ETS1: variants seen among roughly 807,000 people sequenced by gnomAD.
ETS1 encodes ETS proto-oncogene 1, transcription factor.
A neutral mutation model predicts 58.6 loss-of-function variants in ETS1; 15 were observed. That is an observed-to-expected ratio of 0.26 (90% CI 0.17 to 0.39). The LOEUF is 0.39. ETS1 is among the 10% of genes least tolerant of loss of function. The pLI is 1.00. For synonymous variants in ETS1, 214 were observed against 218.2 expected (o/e 0.98, Z 0.17); for missense variants, 417 against 610.5 (o/e 0.68, Z 3.34).
chr11:128,506,748 G>A (rs899007387), intron 3 of ETS1, among the ~76,000 whole-genome samples: 1 of 152,154 alleles, frequency 6.6e-6, no homozygotes, highest in African/African-American at 2.4e-5. Flanking sequence ...GACCGACCGT[G>A]GGAGAGGCTG....
chr11:128,480,501 G>T, intron 7 of ETS1, 50 bp from the exon 8 acceptor site: 3 of 1,060,878 alleles, frequency 2.8e-6, no homozygotes, highest in South Asian at 1.5e-5. Context: ...GAGGGAGTGG[G>T]AAAAAAAAAA....
chr11:128,546,919 TC>T (rs1476839584), intron 3 of ETS1, among the ~76,000 whole-genome samples: 3 of 152,120 alleles, frequency 2.0e-5, no homozygotes, highest in African/African-American at 7.2e-5. Context: ...AGACTGAAGC[TC>T]CCCATCCCTA....
chr11:128,574,925 A>G (rs561963243), intron 1 of ETS1, among the ~76,000 whole-genome samples: 33 of 152,294 alleles, frequency 2.2e-4, no homozygotes, highest in African/African-American at 7.5e-4. Context: ...TCATCCCTCC[A>G]GGGTCCTGCA....
At chr11:128,559,806 G>GA (rs1565410140) in intron 2 of ETS1, among the ~76,000 whole-genome samples, 1 of 152,116 alleles carries the variant, frequency 6.6e-6, no homozygotes. Flanking sequence ...CAGTTGAGGA[G>GA]AAAAAAAGCA....
chr11:128,560,084 C>T (rs1591662763), intron 2 of ETS1, among the ~76,000 whole-genome samples: 1 of 152,314 alleles, frequency 6.6e-6, no homozygotes, highest in Admixed American at 6.5e-5. Context: ...TTCAGTGCCC[C>T]CTGGCACTCT....
Position 128,489,332 on chromosome 11 carries a change from C to A in ETS1, c.493G>T (p.Val165Phe). ...AGATGTTCCCATAAGATGTCCCCAACAAAGTCTGGGGCCAGCTCGAGAAAG... is the reference window on the plus strand; with the variant it reads ...AGATGTTCCCATAAGATGTCCCCAAAAAAGTCTGGGGCCAGCTCGAGAAAG... ...DCFLELAPDF[V>F]GDILWEHLEI... Residue 165 changes from valine to phenylalanine, a missense_variant, in exon 5 of 10, where the codon GTT (valine) becomes TTT (phenylalanine). By Grantham distance (50) the Val-to-Phe change is conservative. Around this residue, in one of 4 missense-constraint regions of ETS1, gnomAD observed 132 missense variants for 212.1 expected, o/e 0.62. Coordinates refer to ENST00000392668, the MANE Select transcript of ETS1 (RefSeq NM_001143820.2). 6.2e-7 allele frequency: 1 copy of A among 1,614,214 alleles called. No homozygotes were observed. The highest frequency in any genetic ancestry group is 8.5e-7 in the Non-Finnish European group (1 of 1,180,032).
chr11:128,497,864 T>A (rs959871509), intron 3 of ETS1, among the ~76,000 whole-genome samples: 1 of 151,992 alleles, frequency 6.6e-6, no homozygotes. Flanking sequence ...GAGAGGCTCT[T>A]CCGTTCCAGG....
Position 128,462,259 on chromosome 11 carries a change from C to T in ETS1, c.*102G>A. On this transcript the variant is annotated 3_prime_UTR_variant, in exon 10 of 10. Coordinates refer to ENST00000392668, the MANE Select transcript of ETS1 (RefSeq NM_001143820.2). ...CACCCCTGAAGGTAAAAAATGAGTT[C>T]TGGAAAATAAAAAATAGAATAACAA... is the stretch of plus-strand genomic sequence containing the variant. 1.1e-6 allele frequency: 1 copy of T among 948,658 alleles called. No individual in the cohort carries two copies. The highest frequency in any genetic ancestry group is 1.6e-5 in the South Asian group (1 of 63,408). 58.8% of individuals were successfully genotyped at this position (948,658 alleles called of 1,614,324 possible).
chr11:128,544,943 G>C (rs1473743737), intron 3 of ETS1, among the ~76,000 whole-genome samples: 1 of 151,782 alleles, frequency 6.6e-6, no homozygotes, highest in South Asian at 2.1e-4. Flanking sequence ...TAGCTTCAAG[G>C]GTATAACCTT....
At chr11:128,579,974 G>A (rs1396829728) in intron 1 of ETS1, among the ~76,000 whole-genome samples, 2 of 151,530 alleles carry the variant, frequency 1.3e-5, no homozygotes, top group Non-Finnish European at 2.9e-5. Context: ...GACACTTCCT[G>A]TATCTATGCC....
chr11:128,575,052 T>A (rs1289674628), intron 1 of ETS1, among the ~76,000 whole-genome samples: 1 of 152,176 alleles, frequency 6.6e-6, no homozygotes, highest in Non-Finnish European at 1.5e-5. Context: ...GCCCCAAGGA[T>A]CTCCTGAGTC....
intron 7 of ETS1, 62 bp downstream of exon 7, chr11:128,484,761 A>T (rs1862579578): frequency 2.0e-6 from 3 of 1,519,326 alleles, no homozygotes; most frequent in Non-Finnish European, 2.7e-6. Context: ...ACCTGAAAAA[A>T]ACTCACAAAG....
At chr11:128,547,187 T>C (rs1288543231) in intron 3 of ETS1, among the ~76,000 whole-genome samples, 3 of 152,178 alleles carry the variant, frequency 2.0e-5, no homozygotes, top group Admixed American at 1.3e-4. Context: ...AGAGAATTCA[T>C]CCCAGTTCAA....
intron 1 of ETS1, among the ~76,000 whole-genome samples, chr11:128,581,206 G>A (rs957785811): frequency 1.3e-5 from 2 of 152,112 alleles, no homozygotes; most frequent in South Asian, 4.1e-4. Flanking sequence ...CTTCTCCTAG[G>A]CATCAAGGAA....
chr11:128,551,379 T>A (rs1324574992), intron 3 of ETS1, among the ~76,000 whole-genome samples: 1 of 152,198 alleles, frequency 6.6e-6, no homozygotes, highest in Non-Finnish European at 1.5e-5. Context: ...CTAGGCCATA[T>A]GAGAAAGCCC....
At chr11:128,573,224 T>C in intron 1 of ETS1, 80 bp from the exon 2 acceptor site, 1 of 1,028,734 alleles carries the variant, frequency 9.7e-7, no homozygotes, top group East Asian at 2.6e-5. Context: ...GACACGAACC[T>C]TAGAACTAAA....
intron 3 of ETS1, among the ~76,000 whole-genome samples, chr11:128,525,835 T>C (rs1863790839): frequency 2.0e-5 from 3 of 152,100 alleles, no homozygotes; most frequent in Non-Finnish European, 4.4e-5. Flanking sequence ...AATATCTACA[T>C]TATCAAGCAG....
At chr11:128,569,194 A>G (rs1379615560) in intron 2 of ETS1, among the ~76,000 whole-genome samples, 2 of 152,174 alleles carry the variant, frequency 1.3e-5, no homozygotes, top group Non-Finnish European at 2.9e-5. Context: ...TTTAACAATG[A>G]GACACATCTC....
intron 3 of ETS1, among the ~76,000 whole-genome samples, chr11:128,512,769 C>T (rs540751874): frequency 1.3e-5 from 2 of 152,362 alleles, no homozygotes; most frequent in East Asian, 1.9e-4. Context: ...GAGGCACTGC[C>T]GTGGCTAACA....
Sources: gnomAD v4.1 joint callset for allele counts (sites outside exome capture counted in the v4.1 genomes callset) on GRCh38, gnomAD v4.1.1 for gene constraint, gnomAD v4.1.1 regional missense constraint, MANE v1.5 for transcripts, NCBI Gene and HGNC (gene_info 2026-07-23, HGNC 2026-07-21) for gene names.